Variants in GLT8D2 observed in about 807,000 individuals in gnomAD.
GLT8D2 encodes glycosyltransferase 8 domain containing 2, also known as glycosyltransferase 8 domain-containing protein 2.
Under a neutral mutation model 44.5 loss-of-function variants are expected in GLT8D2, and 45 were observed. The observed-to-expected ratio is 1.01, with a 90% CI of 0.80 to 1.30. The LOEUF (loss-of-function observed/expected upper bound fraction) is 1.30, where lower values mean the gene tolerates loss of function less well. Among genes scored for constraint, GLT8D2 ranks in the 50% most tolerant of loss-of-function variants. The probability of loss-of-function intolerance (pLI) is 0.00; values close to 1 mark genes in which losing one functional copy is unlikely to be tolerated. For synonymous variants in GLT8D2, 156 were observed against 157.2 expected, an observed-to-expected ratio of 0.99 and a Z score of 0.06; for missense variants, 400 against 430.4, an observed-to-expected ratio of 0.93 and a Z score of 0.62.
intron 1 of GLT8D2, among the ~76,000 whole-genome samples, chr12:104,035,736 A>G (rs1879858831): frequency 6.6e-6 from 1 of 152,202 alleles, no homozygotes; most frequent in African/African-American, 2.4e-5. Flanking sequence ...TCAAGTTGGA[A>G]AACACTCTTC....
At chr12:103,991,436 C>T (rs754458555) in intron 10 of GLT8D2, among the ~76,000 whole-genome samples, 3 of 152,168 alleles carry the variant, frequency 2.0e-5, no homozygotes, top group Non-Finnish European at 4.4e-5. Context: ...GATCCACCCG[C>T]TTCAACCTCC....
intron 1 of GLT8D2, among the ~76,000 whole-genome samples, chr12:104,021,977 G>GGAAGAA (rs1377409961): frequency 1.4e-4 from 3 of 21,122 alleles, no homozygotes; most frequent in African/African-American, 5.6e-4. Flanking sequence ...AAGAGGAAGA[G>GGAAGAA]GAAGAGGAAG....
chr12:104,060,002 T>C (rs1293125213), intron 1 of GLT8D2, among the ~76,000 whole-genome samples: 1 of 152,196 alleles, frequency 6.6e-6, no homozygotes, highest in Non-Finnish European at 1.5e-5. Context: ...CTCTGGCTTC[T>C]TTCCCTCCCA....
intron 1 of GLT8D2, among the ~76,000 whole-genome samples, chr12:104,038,816 A>G (rs1880216211): frequency 1.3e-5 from 2 of 152,176 alleles, no homozygotes; most frequent in African/African-American, 4.8e-5. Flanking sequence ...ATATGAATCA[A>G]AAAAGAGCCC....
chr12:104,033,423 G>A (rs143272170), intron 1 of GLT8D2, among the ~76,000 whole-genome samples: 2 of 152,122 alleles, frequency 1.3e-5, no homozygotes, highest in East Asian at 1.9e-4. Flanking sequence ...AATACAGCAT[G>A]TTCACTTATA....
chr12:104,049,556 T>C (rs1227334674), intron 1 of GLT8D2: 1 of 152,196 alleles, frequency 6.6e-6, no homozygotes, highest in East Asian at 1.9e-4. Flanking sequence ...CATTAAATAA[T>C]AGCATTCATC....
At chr12:103,995,761 A>C (rs2136276217) in intron 8 of GLT8D2, among the ~76,000 whole-genome samples, 1 of 152,316 alleles carries the variant, frequency 6.6e-6, no homozygotes, top group South Asian at 2.1e-4. Context: ...ACCCATATAG[A>C]CTGTTATCAT....
At chr12:104,029,256 C>G (rs1878946382) in intron 1 of GLT8D2, among the ~76,000 whole-genome samples, 1 of 152,084 alleles carries the variant, frequency 6.6e-6, no homozygotes. Context: ...CACCACTGTA[C>G]TCCAGCCTGG....
At chr12:104,051,411 CATT>C (rs778144723), upstream of GLT8D2, among the ~76,000 whole-genome samples, 1 of 152,084 alleles carries the variant, frequency 6.6e-6, no homozygotes, top group Non-Finnish European at 1.5e-5. Flanking sequence ...TAATATAAAA[CATT>C]ATTAAGAAGA....
rs1566199535 is a variant in GLT8D2, at chr12:104,016,755, GAAAGAAAGAAAGAAAGAAA to G, written c.20-1669_20-1651del. On this transcript the variant is annotated intron_variant, in intron 3 of 10. Transcript: ENST00000360814. ...AGAAAGAAAGAAAGAAAGAAAGAAA[GAAAGAAAGAAAGAAAGAAA>G]GAAGGAAGGAAGGAAGGAAGGAAGG... is the stretch of plus-strand genomic sequence containing the variant. Among the ~76,000 whole-genome samples, 56 of 100,634 alleles carry G rather than the reference GAAAGAAAGAAAGAAAGAAA, an allele frequency of 5.6e-4. No homozygotes were observed. In the East Asian group the frequency reaches 6.1e-3, roughly 11 times the overall value. 66.0% of individuals were successfully genotyped at this position (100,634 alleles called of 152,430 possible).
chr12:104,050,771 G>A (rs971833980), upstream of GLT8D2, among the ~76,000 whole-genome samples: 45 of 151,974 alleles, frequency 3.0e-4, no homozygotes, highest in African/African-American at 1.0e-3. Context: ...TCTTTCTAAA[G>A]TGGTGCTCTC....
chr12:104,062,181 C>T (rs1882711628), intron 1 of GLT8D2, among the ~76,000 whole-genome samples: 1 of 151,746 alleles, frequency 6.6e-6, no homozygotes, highest in African/African-American at 2.4e-5. Context: ...TCAAGTGATT[C>T]TCCTACCTCA....
intron 4 of GLT8D2, among the ~76,000 whole-genome samples, chr12:104,009,979 T>C (rs1464062429): frequency 6.6e-6 from 1 of 151,730 alleles, no homozygotes; most frequent in South Asian, 2.1e-4. Context: ...ATCAGCAGCA[T>C]GAAAACGGAC....
chr12:104,054,527 T>G (rs1228596686), upstream of GLT8D2, among the ~76,000 whole-genome samples: 1 of 151,702 alleles, frequency 6.6e-6, no homozygotes, highest in Non-Finnish European at 1.5e-5. Context: ...GATATCTGCC[T>G]CCCCATTGAA....
chr12:104,056,909 A>C (rs999102772), intron 1 of GLT8D2, among the ~76,000 whole-genome samples: 3 of 152,370 alleles, frequency 2.0e-5, no homozygotes, highest in Non-Finnish European at 4.4e-5. Context: ...TTTATCTCCA[A>C]GTAACATTGT....
At chr12:104,013,589 T>A (rs2136337070) in intron 4 of GLT8D2, among the ~76,000 whole-genome samples, 1 of 152,316 alleles carries the variant, frequency 6.6e-6, no homozygotes, top group Non-Finnish European at 1.5e-5. Context: ...TACATGTTTT[T>A]AATTATTTTT....
At chr12:104,023,962 G>T (rs1290854712) in intron 1 of GLT8D2, among the ~76,000 whole-genome samples, 2 of 152,106 alleles carry the variant, frequency 1.3e-5, no homozygotes, top group African/African-American at 2.4e-5. Flanking sequence ...TGTTTCCATT[G>T]TTTTGTGATT....
At chr12:104,007,637 CCTATGT>C (rs545430664) in intron 4 of GLT8D2, among the ~76,000 whole-genome samples, 82 of 152,270 alleles carry the variant, frequency 5.4e-4, no homozygotes, top group Middle Eastern at 3.4e-3. Flanking sequence ...TGCAAATGGA[CCTATGT>C]CTATTTATGG....
intron 1 of GLT8D2, among the ~76,000 whole-genome samples, chr12:104,042,772 C>CA (rs910319854): frequency 1.9e-4 from 29 of 152,002 alleles, no homozygotes; most frequent in African/African-American, 6.5e-4. Context: ...ATGAGCTAAA[C>CA]AAAAAAAATC....
Sources: allele counts gnomAD v4.1 joint callset (sites outside exome capture counted in the v4.1 genomes callset), GRCh38; gene constraint gnomAD v4.1.1; transcripts MANE v1.5; gene names NCBI Gene and HGNC (gene_info 2026-07-23, HGNC 2026-07-21).